Variants in RERE observed in about 807,000 individuals in gnomAD.
The protein encoded by RERE is arginine-glutamic acid dipeptide repeats.
A neutral mutation model predicts 146.1 loss-of-function variants in RERE; 40 were observed. The observed-to-expected ratio is 0.27, with a 90% confidence interval of 0.21 to 0.36. The LOEUF (loss-of-function observed/expected upper bound fraction) is 0.36. Ranked by LOEUF, RERE falls within the 10% of genes least tolerant of loss-of-function variation. The pLI is 1.00. For missense variants in RERE, 1,933 were observed against 2,138.7 expected (o/e 0.90, Z 1.90); for synonymous variants, 1,003 against 866.0 (o/e 1.16, Z -2.78).
intron 12 of RERE, among the ~76,000 whole-genome samples, chr1:8,398,325 AG>A (rs1019926009): frequency 8.5e-5 from 13 of 152,200 alleles, no homozygotes; most frequent in Non-Finnish European, 1.6e-4. Context: ...CTCTCAGGCA[AG>A]GGGGTTAGTA....
At chr1:8,766,031 T>C (rs1049547370) in intron 1 of RERE, among the ~76,000 whole-genome samples, 1 of 151,980 alleles carries the variant, frequency 6.6e-6, no homozygotes, top group Non-Finnish European at 1.5e-5. Context: ...GAGAATCACT[T>C]GAACCTGGGA....
At chr1:8,379,896 G>A (rs1439553825) in intron 12 of RERE, among the ~76,000 whole-genome samples, 1 of 152,200 alleles carries the variant, frequency 6.6e-6, no homozygotes, top group African/African-American at 2.4e-5. Flanking sequence ...GCGGGGCTGG[G>A]TGGGATCACT....
chr1:8,477,541 T>A (rs193271353), intron 10 of RERE, among the ~76,000 whole-genome samples: 4 of 152,316 alleles, frequency 2.6e-5, no homozygotes. Flanking sequence ...GGCAGAAGGC[T>A]GGAGGATGAC....
rs566110376 is a variant in RERE at position 8,630,912 on chromosome 1, A to T, written c.326-6532T>A. ...GGTGGGAAAAGATCCCAGATAACAT[A>T]TATCTTTGTTCCCCTCTTTTTTAAA... On this transcript the variant is annotated intron_variant, in intron 2 of 22. Coordinates refer to ENST00000400908, the MANE Select transcript of RERE (RefSeq NM_001042681.2). 4.6e-5 allele frequency among the ~76,000 whole-genome samples: 7 copies of T among 152,344 alleles called. No individual in the cohort carries two copies. The South Asian group carries it at 1.4e-3, about 32-fold the overall frequency.
At chr1:8,392,111 C>T (rs1642901452) in intron 12 of RERE, among the ~76,000 whole-genome samples, 1 of 152,190 alleles carries the variant, frequency 6.6e-6, no homozygotes, top group South Asian at 2.1e-4. Flanking sequence ...ACACAATGTT[C>T]AGCATTCTAC....
chr1:8,486,541 A>G (rs1369848220), intron 10 of RERE, among the ~76,000 whole-genome samples: 1 of 152,138 alleles, frequency 6.6e-6, no homozygotes, highest in African/African-American at 2.4e-5. Flanking sequence ...AAAATCAGCT[A>G]TTTAACATCC....
At chr1:8,567,129 T>G (rs185206746) in intron 4 of RERE, among the ~76,000 whole-genome samples, 1 of 152,084 alleles carries the variant, frequency 6.6e-6, no homozygotes, top group African/African-American at 2.4e-5. Context: ...GTTAAGTAGA[T>G]GAAAGAAATA....
chr1:8,800,368 A>G (rs1557550651), intron 1 of RERE, among the ~76,000 whole-genome samples: 1 of 152,188 alleles, frequency 6.6e-6, no homozygotes, highest in East Asian at 1.9e-4. Flanking sequence ...TATTATTTAA[A>G]TGTGTTTTAA....
intron 1 of RERE, among the ~76,000 whole-genome samples, chr1:8,781,185 G>A (rs745686472): frequency 1.1e-4 from 17 of 151,808 alleles, no homozygotes; most frequent in Admixed American, 4.6e-4. Flanking sequence ...GTGAAACCCC[G>A]TCTCTACTAA....
chr1:8,697,553 C>T (rs551047024), intron 1 of RERE, among the ~76,000 whole-genome samples: 106 of 152,176 alleles, frequency 7.0e-4, no homozygotes, highest in African/African-American at 2.4e-3. Flanking sequence ...CCAACACACC[C>T]GGCTAATTTT....
intron 1 of RERE, among the ~76,000 whole-genome samples, chr1:8,787,384 T>C (rs1248030427): frequency 6.6e-6 from 1 of 152,224 alleles, no homozygotes; most frequent in Non-Finnish European, 1.5e-5. Context: ...AGTATCATGG[T>C]TGCCTCATTT....
chr1:8,498,746 C>CACACACACAA (rs1198703202), intron 8 of RERE, among the ~76,000 whole-genome samples: 1 of 148,834 alleles, frequency 6.7e-6, no homozygotes, highest in Non-Finnish European at 1.5e-5. Context: ...CACACACACA[C>CACACACACAA]ACACACACAC....
intron 2 of RERE, among the ~76,000 whole-genome samples, chr1:8,630,671 G>A (rs1364080976): frequency 6.6e-6 from 1 of 152,152 alleles, no homozygotes; most frequent in Non-Finnish European, 1.5e-5. Flanking sequence ...AGTGAGCTAT[G>A]ATCCAGCCAC....
rs141940386 is a variant in RERE at position 8,517,701 on chromosome 1, A to G, written c.831-9026T>C. 2.9e-3 allele frequency among the ~76,000 whole-genome samples: 445 copies of G among 152,332 alleles called. 2 individuals are homozygous for G. The highest frequency in any genetic ancestry group is 0.01 in the African/African-American group (424 of 41,574). On this transcript the variant is annotated intron_variant, in intron 7 of 22. Transcript: ENST00000400908. ...AAAAAACAGAAAGTCATTGTATATG[A>G]AATCTGATACAAAAAAACCCCAGTG...
chr1:8,685,596 G>C (rs960380196), intron 1 of RERE, among the ~76,000 whole-genome samples: 2 of 152,122 alleles, frequency 1.3e-5, no homozygotes, highest in African/African-American at 4.8e-5. Context: ...AATCAGCCGG[G>C]TGTGGTGGCA....
intron 11 of RERE, among the ~76,000 whole-genome samples, chr1:8,454,016 C>T (rs529934996): frequency 1.3e-5 from 2 of 152,148 alleles, no homozygotes; most frequent in East Asian, 3.9e-4. Context: ...ACAGTGGCTC[C>T]CAGAGAAGAC....
chr1:8,807,211 C>T lies in RERE; in HGVS notation c.-145+9949G>A, dbSNP rs546180868. On this transcript the variant is annotated intron_variant, in intron 1 of 22. Transcript: ENST00000400908. ...GGGCTACAGGCACGTGCTACCACGC[C>T]TGGCTAATTTTTAATTTTTTTTGCA... is the stretch of plus-strand genomic sequence containing the variant. Among the ~76,000 whole-genome samples the T allele has an allele frequency of 2.0e-5, 3 of 152,222 alleles. No individual in the cohort carries two copies. The South Asian group carries it at 6.2e-4, about 32-fold the overall frequency.
At chr1:8,717,314 T>C (rs534632950) in intron 1 of RERE, among the ~76,000 whole-genome samples, 22 of 152,318 alleles carry the variant, frequency 1.4e-4, no homozygotes, top group African/African-American at 5.1e-4. Context: ...TCAACAGTGG[T>C]AGTTTTCAGT....
chr1:8,377,133 G>C (rs1243692922), intron 12 of RERE, among the ~76,000 whole-genome samples: 1 of 152,134 alleles, frequency 6.6e-6, no homozygotes. Flanking sequence ...CAAAGATTGA[G>C]GCCACTGCAA....
Sources: allele counts gnomAD v4.1 joint callset (sites outside exome capture counted in the v4.1 genomes callset), GRCh38; gene constraint gnomAD v4.1.1; transcripts MANE v1.5; gene names NCBI Gene and HGNC (gene_info 2026-07-23, HGNC 2026-07-21).